Variants in DNAAF11 observed in about 807,000 individuals in gnomAD.
DNAAF11 encodes leucine rich repeat containing 6.
A neutral mutation model predicts 60.8 loss-of-function variants in DNAAF11; 45 were observed. The ratio of observed to expected loss-of-function variants is 0.74; its 90% confidence interval spans 0.58 to 0.95. The LOEUF is 0.95. DNAAF11 is among the 40% of genes least tolerant of loss of function. DNAAF11 has a pLI of 0.00. For synonymous variants in DNAAF11, 191 were observed against 183.5 expected (o/e 1.04, Z -0.33); for missense variants, 546 against 546.2 (o/e 1.00, Z 0.00).
chr8:132,615,411 G>A (rs1563623621), intron 7 of DNAAF11, among the ~76,000 whole-genome samples: 1 of 152,210 alleles, frequency 6.6e-6, no homozygotes, highest in African/African-American at 2.4e-5. Context: ...TCTCATATGA[G>A]TTTGCCAGAA....
chr8:132,591,227 C>T (rs796770834), intron 10 of DNAAF11, among the ~76,000 whole-genome samples: 1 of 151,856 alleles, frequency 6.6e-6, no homozygotes, highest in Non-Finnish European at 1.5e-5. Context: ...TTCAATGAAC[C>T]CTCATTAGCA....
the DNAAF11 span, among the ~76,000 whole-genome samples, chr8:132,685,379 A>G: frequency 6.6e-6 from 1 of 152,248 alleles, no homozygotes; most frequent in Admixed American, 6.5e-5. Context: ...TAAACTTGAA[A>G]TGAGGCCCCT....
the DNAAF11 span, among the ~76,000 whole-genome samples, chr8:132,684,575 C>T: frequency 6.6e-6 from 1 of 152,222 alleles, no homozygotes; most frequent in African/African-American, 2.4e-5. Flanking sequence ...CCTAAGACTA[C>T]ATGAGTCTGC....
rs931044815 is a variant in DNAAF11, at chr8:132,570,904, T to C, written c.*1402A>G. On this transcript the variant is annotated 3_prime_UTR_variant, in exon 12 of 12. Transcript: ENST00000620350. Reference sequence around the variant, plus strand: ...CCTCTCCACAAGCTCCCAATCACAGTCCTACTTCAGCTTCTCAGATTCTGT... The same window carrying C: ...CCTCTCCACAAGCTCCCAATCACAGCCCTACTTCAGCTTCTCAGATTCTGT... 2.1e-4 allele frequency among the ~76,000 whole-genome samples: 32 copies of C among 152,164 alleles called. No homozygotes were observed. Among genetic ancestry groups the C allele is most frequent in the African/African-American group, 7.5e-4 (31 of 41,428 alleles).
the DNAAF11 span, among the ~76,000 whole-genome samples, chr8:132,702,567 C>G: frequency 7.7e-6 from 1 of 129,712 alleles, no homozygotes; most frequent in South Asian, 2.3e-4. Context: ...GTCACCACTA[C>G]TATTATTATA....
intron 11 of DNAAF11, among the ~76,000 whole-genome samples, chr8:132,582,625 C>T (rs1384917844): frequency 6.6e-6 from 1 of 152,054 alleles, no homozygotes; most frequent in African/African-American, 2.4e-5. Context: ...ACCCATTTTT[C>T]GGTAGGAATT....
the DNAAF11 span, among the ~76,000 whole-genome samples, chr8:132,698,975 A>T: frequency 1.7e-4 from 26 of 150,328 alleles, no homozygotes; most frequent in East Asian, 4.7e-3. Context: ...CACACACAAA[A>T]AAAATTAGCC....
chr8:132,595,009 C>T (rs914675739), intron 10 of DNAAF11, among the ~76,000 whole-genome samples: 4 of 152,166 alleles, frequency 2.6e-5, no homozygotes, highest in East Asian at 1.9e-4. Context: ...CCTGCTGCCA[C>T]GGTCCACGTT....
At chr8:132,671,647 C>G (rs1271400135) in intron 1 of DNAAF11, among the ~76,000 whole-genome samples, 1 of 151,966 alleles carries the variant, frequency 6.6e-6, no homozygotes, top group East Asian at 1.9e-4. Flanking sequence ...CTCCAGTAAT[C>G]AAGACAGTGT....
At chr8:132,672,349 C>T (rs1825268303) in intron 1 of DNAAF11, among the ~76,000 whole-genome samples, 2 of 152,132 alleles carry the variant, frequency 1.3e-5, no homozygotes, top group African/African-American at 4.8e-5. Flanking sequence ...TTCCTCTTGC[C>T]ACCATCCCCA....
chr8:132,628,809 TAA>T (rs1820527149), intron 5 of DNAAF11, among the ~76,000 whole-genome samples: 1 of 152,224 alleles, frequency 6.6e-6, no homozygotes, highest in Admixed American at 6.5e-5. Context: ...AACCCCACTG[TAA>T]GCTTCTACTA....
chr8:132,601,496 C>G (rs1418970918), intron 10 of DNAAF11, among the ~76,000 whole-genome samples: 1 of 152,148 alleles, frequency 6.6e-6, no homozygotes, highest in Non-Finnish European at 1.5e-5. Flanking sequence ...CAGCACTATT[C>G]ACAATAGCAA....
the DNAAF11 span, among the ~76,000 whole-genome samples, chr8:132,682,182 A>G: frequency 6.6e-6 from 1 of 152,210 alleles, no homozygotes; most frequent in Admixed American, 6.5e-5. Flanking sequence ...AGAAACACTA[A>G]GTCATCTGCC....
At chr8:132,588,558 T>C (rs1816139338) in intron 10 of DNAAF11, among the ~76,000 whole-genome samples, 1 of 151,968 alleles carries the variant, frequency 6.6e-6, no homozygotes. Context: ...GAGAAAGATA[T>C]ATAAACAGTT....
intron 8 of DNAAF11, 49 bp downstream of exon 8, chr8:132,614,989 T>A (rs773525376): frequency 8.0e-7 from 1 of 1,247,646 alleles, no homozygotes; most frequent in South Asian, 1.4e-5. Flanking sequence ...CTACTGAGAA[T>A]GAAAACAGAC....
intron 11 of DNAAF11, among the ~76,000 whole-genome samples, chr8:132,576,377 A>G (rs532844866): frequency 1.1e-4 from 16 of 152,332 alleles, no homozygotes; most frequent in Non-Finnish European, 2.4e-4. Flanking sequence ...CTGTCTTCCT[A>G]TCCTCAATAA....
chr8:132,635,023 A>G (rs1328131497), intron 4 of DNAAF11, among the ~76,000 whole-genome samples: 3 of 152,146 alleles, frequency 2.0e-5, no homozygotes, highest in Admixed American at 6.6e-5. Flanking sequence ...CTAAAAGGCT[A>G]TGACAACTGA....
At chr8:132,673,809 T>C (rs999227740) in intron 1 of DNAAF11, among the ~76,000 whole-genome samples, 2 of 152,154 alleles carry the variant, frequency 1.3e-5, no homozygotes, top group Non-Finnish European at 2.9e-5. Flanking sequence ...ACTATACTTC[T>C]GTTTGTCTTC....
At chr8:132,660,882 G>T (rs1345315594) in intron 2 of DNAAF11, among the ~76,000 whole-genome samples, 1 of 152,114 alleles carries the variant, frequency 6.6e-6, no homozygotes, top group Admixed American at 6.5e-5. Flanking sequence ...AGCCCACTTG[G>T]CTGCAAGTCT....
Sources: allele counts gnomAD v4.1 joint callset (sites outside exome capture counted in the v4.1 genomes callset), GRCh38; gene constraint gnomAD v4.1.1; transcripts MANE v1.5; gene names NCBI Gene and HGNC (gene_info 2026-07-23, HGNC 2026-07-21).